CEP57L1: variants seen among roughly 807,000 people sequenced by gnomAD.
The protein encoded by CEP57L1 is centrosomal protein CEP57L1.
Under a neutral mutation model 61.0 loss-of-function variants are expected in CEP57L1, and 37 were observed. The ratio of observed to expected loss-of-function variants is 0.61; its 90% confidence interval spans 0.47 to 0.80. The LOEUF is 0.80. CEP57L1 is among the 30% of genes least tolerant of loss of function. The probability of loss-of-function intolerance (pLI) is 0.00; values close to 1 mark genes in which losing one functional copy is unlikely to be tolerated. For synonymous variants in CEP57L1, 137 were observed against 162.3 expected (o/e 0.84, Z 1.19); for missense variants, 422 against 524.7 (o/e 0.80, Z 1.91).
At chr6:109,156,446 A>G (rs959988330) in intron 7 of CEP57L1, 2 of 152,192 alleles carry the variant, frequency 1.3e-5, no homozygotes, top group African/African-American at 4.8e-5. Context: ...CCCAAAAGTA[A>G]GGATTGGAGA....
intron 1 of CEP57L1, among the ~76,000 whole-genome samples, chr6:109,117,790 G>T (rs900761631): frequency 6.6e-6 from 1 of 152,162 alleles, no homozygotes; most frequent in African/African-American, 2.4e-5. Flanking sequence ...CACAGGCAAC[G>T]TCTATATGGA....
At chr6:109,152,636 CGTGTGTGTGTGTGTGTGTGTGTGTGT>C (rs59562316) in intron 4 of CEP57L1, among the ~76,000 whole-genome samples, 4 of 145,100 alleles carry the variant, frequency 2.8e-5, no homozygotes, top group Non-Finnish European at 6.1e-5. Flanking sequence ...GATGTGCGTG[CGTGTGTGTGTGTGTGTGTGTGTGTGT>C]GTGTGTGTGT....
At chr6:109,141,388 T>A (rs1424888256) in intron 1 of CEP57L1, among the ~76,000 whole-genome samples, 1 of 151,854 alleles carries the variant, frequency 6.6e-6, no homozygotes, top group Non-Finnish European at 1.5e-5. Context: ...GCTAATTTTT[T>A]GTATTTTTAG....
At chr6:109,142,457 G>A (rs1175097102) in intron 1 of CEP57L1, among the ~76,000 whole-genome samples, 1 of 152,136 alleles carries the variant, frequency 6.6e-6, no homozygotes, top group Non-Finnish European at 1.5e-5. Flanking sequence ...ACCAGGGCCT[G>A]TGGGTGGTAA....
rs986708885 is a variant in CEP57L1 at position 109,163,032 on chromosome 6, G to A, written c.*62G>A. ...AGTGAGACCTTGAATTGTCTAAAGT[G>A]GTTTTAATTTAATATAACTTTGTGA... On this transcript the variant is annotated 3_prime_UTR_variant, in exon 11 of 11. Coordinates refer to ENST00000517392, the MANE Select transcript of CEP57L1 (RefSeq NM_001271852.3). 14 of 1,023,230 alleles carry A rather than the reference G, an allele frequency of 1.4e-5. No individual in the cohort carries two copies. Among genetic ancestry groups the A allele is most frequent in the African/African-American group, 1.6e-5 (1 of 61,172 alleles). The allele number at this position is 1,023,230 out of a possible 1,614,324, so 63.4% of individuals were successfully genotyped here. A position where few individuals can be genotyped will look rare whatever the true frequency, so the allele number is the denominator to read the frequency against.
At chr6:109,119,591 C>T (rs889011252) in intron 1 of CEP57L1, among the ~76,000 whole-genome samples, 2 of 152,152 alleles carry the variant, frequency 1.3e-5, no homozygotes, top group African/African-American at 4.8e-5. Context: ...TTCAAGTAGA[C>T]ATGAACTCTG....
intron 4 of CEP57L1, among the ~76,000 whole-genome samples, chr6:109,152,443 A>G (rs375846100): frequency 2.0e-5 from 3 of 152,256 alleles, no homozygotes; most frequent in East Asian, 3.9e-4. Context: ...TTGGCCTCCC[A>G]AAGTGCTGGG....
chr6:109,155,729 C>A, intron 6 of CEP57L1, 62 bp from the exon 7 acceptor site: 1 of 811,634 alleles, frequency 1.2e-6, no homozygotes, highest in Non-Finnish European at 2.0e-6. Flanking sequence ...GACCTGATAT[C>A]TCATTACAGT....
At chr6:109,154,900 A>T (rs971599207) in intron 5 of CEP57L1, among the ~76,000 whole-genome samples, 7 of 152,088 alleles carry the variant, frequency 4.6e-5, no homozygotes, top group African/African-American at 1.7e-4. Flanking sequence ...ACCCAAGACT[A>T]TAATTGTTTG....
intron 1 of CEP57L1, among the ~76,000 whole-genome samples, chr6:109,106,502 A>G (rs539419842): frequency 6.6e-6 from 1 of 152,302 alleles, no homozygotes; most frequent in South Asian, 2.1e-4. Flanking sequence ...TTTAATTAGT[A>G]TTCCATTTAT....
At chr6:109,109,790 T>C (rs1048086357) in intron 1 of CEP57L1, among the ~76,000 whole-genome samples, 2 of 152,148 alleles carry the variant, frequency 1.3e-5, no homozygotes, top group African/African-American at 4.8e-5. Context: ...ACATGTGGTG[T>C]TTGGTTTTCT....
chr6:109,107,666 C>T (rs1771096469), intron 1 of CEP57L1, among the ~76,000 whole-genome samples: 1 of 152,094 alleles, frequency 6.6e-6, no homozygotes. Flanking sequence ...TGTGGCTGGG[C>T]ATGGTGGCTC....
At chr6:109,102,773 A>G (rs990457062) in intron 1 of CEP57L1, among the ~76,000 whole-genome samples, 8 of 152,170 alleles carry the variant, frequency 5.3e-5, no homozygotes, top group Non-Finnish European at 1.0e-4. Context: ...TTTTTTTTAA[A>G]GACCATTATA....
At position 109,173,267 on chromosome 6, in the gene CEP57L1, A is replaced by G. The variant is rs1774483592; in HGVS notation, c.*10297A>G. 2.0e-5 allele frequency among the ~76,000 whole-genome samples: 3 copies of G among 152,008 alleles called. No homozygotes were observed. In the South Asian group the frequency reaches 6.2e-4, roughly 32 times the overall value. On this transcript the variant is annotated 3_prime_UTR_variant, in exon 11 of 11. Coordinates refer to ENST00000517392, the MANE Select transcript of CEP57L1 (RefSeq NM_001271852.3). ...ACAAGTTATATTAATAATTTTTATT[A>G]ATTTTTTTCCTGAATCCTAAAAGGT...
Position 109,095,572 on chromosome 6 carries a change from C to T in CEP57L1, c.-7C>T, listed in dbSNP as rs1472481049. On this transcript the variant is annotated 5_prime_UTR_variant, in exon 1 of 11. Coordinates refer to ENST00000517392, the MANE Select transcript of CEP57L1 (RefSeq NM_001271852.3). ...GGCAGGGGCTGACTGAGAGCGTCTG[C>T]TTGGTAAGCACTGTAAGCTGGGTTG... 1 of 985,846 alleles carries T rather than the reference C, an allele frequency of 1.0e-6. No homozygotes were observed. Among genetic ancestry groups the T allele is most frequent in the African/African-American group, 1.7e-5 (1 of 57,354 alleles). The allele number at this position is 985,846 out of a possible 1,614,324, so 61.1% of individuals were successfully genotyped here.
At chr6:109,141,223 CT>C (rs988605777) in intron 1 of CEP57L1, among the ~76,000 whole-genome samples, 1 of 151,628 alleles carries the variant, frequency 6.6e-6, no homozygotes, top group African/African-American at 2.4e-5. Context: ...CCATTTTTTT[CT>C]TTTGTTTTTG....
chr6:109,154,660 A>G (rs1773030536), intron 5 of CEP57L1, among the ~76,000 whole-genome samples: 2 of 152,114 alleles, frequency 1.3e-5, no homozygotes. Flanking sequence ...AGGATTTTGA[A>G]TTTTTGGATT....
rs570896112 is a variant in CEP57L1, at chr6:109,128,934, C to T, written c.-3-16285C>T. On this transcript the variant is annotated intron_variant, in intron 1 of 10. Transcript: ENST00000517392. Reference sequence around the variant, plus strand: ...TAACTGAAGGCCGGGCACAGTGGCTCATGCCTGTAATCCCAGCACTTTGGG... The same window carrying T: ...TAACTGAAGGCCGGGCACAGTGGCTTATGCCTGTAATCCCAGCACTTTGGG... 2.8e-4 allele frequency among the ~76,000 whole-genome samples: 43 copies of T among 152,302 alleles called. 1 individual carries two copies. Among genetic ancestry groups the T allele is most frequent in the Admixed American group, 2.5e-3 (38 of 15,302 alleles).
chr6:109,150,083 C>A (rs754084362), intron 3 of CEP57L1, 35 bp from the exon 4 acceptor site: 15 of 1,349,262 alleles, frequency 1.1e-5, no homozygotes, highest in Non-Finnish European at 1.6e-5. Context: ...AATTTGACTT[C>A]CTCTTTTCCT....
Sources: allele counts gnomAD v4.1 joint callset (sites outside exome capture counted in the v4.1 genomes callset), GRCh38; gene constraint gnomAD v4.1.1; transcripts MANE v1.5; gene names NCBI Gene and HGNC (gene_info 2026-07-23, HGNC 2026-07-21).